EFL1: variants seen among roughly 807,000 people sequenced by gnomAD.
EFL1 encodes elongation factor like GTPase 1, also known as elongation factor-like GTPase 1.
Under a neutral mutation model 126.7 loss-of-function variants are expected in EFL1, and 76 were observed. The observed-to-expected ratio is 0.60, with a 90% CI of 0.50 to 0.73. The LOEUF is 0.73. EFL1 is among the 30% of genes least tolerant of loss of function. The pLI is 0.00. For missense variants in EFL1, 1,128 were observed against 1,343.2 expected (o/e 0.84, Z 2.50); for synonymous variants, 410 against 448.4 (o/e 0.91, Z 1.08).
At chr15:82,192,166 G>A (rs1459200728) in intron 15 of EFL1, among the ~76,000 whole-genome samples, 3 of 152,052 alleles carry the variant, frequency 2.0e-5, no homozygotes, top group South Asian at 2.1e-4. Context: ...TTTGGAGGCC[G>A]AGGTGGGCAG....
chr15:82,160,271 A>T (rs564050900), intron 16 of EFL1, among the ~76,000 whole-genome samples: 86 of 152,358 alleles, frequency 5.6e-4, no homozygotes, highest in African/African-American at 2.0e-3. Context: ...TTGTGAGCCC[A>T]TGTTTGGAAG....
chr15:82,186,240 G>A (rs1261982307), intron 15 of EFL1, among the ~76,000 whole-genome samples: 1 of 152,066 alleles, frequency 6.6e-6, no homozygotes. Flanking sequence ...ACTTTTGTCA[G>A]TGTTTAAATC....
Position 82,238,364 on chromosome 15 carries a change from A to C in EFL1, c.674T>G (p.Phe225Cys). 3 of 1,614,168 alleles carry C rather than the reference A, an allele frequency of 1.9e-6. No individual in the cohort carries two copies. Among genetic ancestry groups the C allele is most frequent in the African/African-American group, 1.3e-5 (1 of 75,034 alleles). ...CACCACATTTCCCTGTTCTGGAGAG[A>C]AGTAAAGGTGAGAATCATCTGTGTC... ...LEDTDDSHLY[F>C]SPEQGNVVFT... The change falls in exon 7 of 20, where the codon TTC becomes TGC. Residue 225 changes from phenylalanine (F) to cysteine (C), a missense_variant. Around this residue, in one of 6 missense-constraint regions of EFL1, gnomAD observed 316 missense variants for 318.5 expected, o/e 0.99. Coordinates refer to ENST00000268206, the MANE Select transcript of EFL1 (RefSeq NM_024580.6).
intron 15 of EFL1, among the ~76,000 whole-genome samples, chr15:82,188,578 A>C (rs561043555): frequency 6.6e-6 from 1 of 152,264 alleles, no homozygotes; most frequent in South Asian, 2.1e-4. Flanking sequence ...ATGTGTTTTA[A>C]GTTAACTTTT....
chr15:82,200,963 G>C (rs1443158081), intron 15 of EFL1, among the ~76,000 whole-genome samples: 1 of 152,154 alleles, frequency 6.6e-6, no homozygotes, highest in Non-Finnish European at 1.5e-5. Flanking sequence ...GCTCACTGTA[G>C]CTCCAACCTC....
intron 4 of EFL1, among the ~76,000 whole-genome samples, chr15:82,250,997 C>A (rs1213031446): frequency 6.6e-6 from 1 of 151,882 alleles, no homozygotes; most frequent in African/African-American, 2.4e-5. Context: ...GGATCACCTG[C>A]GGTCAGGAGT....
At chr15:82,153,191 C>T (rs2073932036) in intron 17 of EFL1, among the ~76,000 whole-genome samples, 1 of 152,046 alleles carries the variant, frequency 6.6e-6, no homozygotes, top group Non-Finnish European at 1.5e-5. Context: ...GTCTTGAGCC[C>T]CAGTCTGCCA....
chr15:82,130,460 G>A lies in EFL1; in HGVS notation c.3276C>T (p.Asn1092=), dbSNP rs752615261. 27 of 1,613,948 alleles carry A rather than the reference G, an allele frequency of 1.7e-5. No individual in the cohort carries two copies. Among genetic ancestry groups the A allele is most frequent in the African/African-American group, 4.0e-5 (3 of 74,866 alleles). The change falls in exon 20 of 20, where the codon AAC becomes AAT. Residue 1092 remains asparagine (N), a synonymous_variant. Coordinates refer to ENST00000268206, the MANE Select transcript of EFL1 (RefSeq NM_024580.6). The part of the protein sequence containing the change: ...DSENQARKYM[N]AVRKRKGLYV... ...AAAGCCCCTTCCGCTTTCGTACTGC[G>A]TTCATGTACTTCCGGGCTTGGTTCT...
At chr15:82,254,268 C>G (rs2075048241) in intron 3 of EFL1, among the ~76,000 whole-genome samples, 2 of 152,118 alleles carry the variant, frequency 1.3e-5, no homozygotes, top group South Asian at 4.1e-4. Flanking sequence ...CTTAATTTAC[C>G]TCCATCTCTC....
intron 17 of EFL1, 26 bp from the exon 18 acceptor site, chr15:82,152,449 CA>C: frequency 6.4e-7 from 1 of 1,559,972 alleles, no homozygotes; most frequent in Middle Eastern, 1.7e-4. Context: ...AGAGAAATAA[CA>C]GAAGGTTAAA....
chr15:82,188,698 TA>T (rs2074327066), intron 15 of EFL1, among the ~76,000 whole-genome samples: 1 of 152,176 alleles, frequency 6.6e-6, no homozygotes, highest in Non-Finnish European at 1.5e-5. Context: ...CAATTATTTT[TA>T]AAAAGACCTA....
chr15:82,215,392 T>A (rs2074634903), intron 14 of EFL1, among the ~76,000 whole-genome samples: 1 of 152,158 alleles, frequency 6.6e-6, no homozygotes. Context: ...TGCTATATTG[T>A]TCATATGGAA....
intron 7 of EFL1, among the ~76,000 whole-genome samples, chr15:82,234,764 T>C (rs1362250267): frequency 6.6e-6 from 1 of 152,174 alleles, no homozygotes; most frequent in East Asian, 1.9e-4. Context: ...CTCTGTTTTC[T>C]CCTAGTGCAT....
At chr15:82,171,492 T>C (rs975079538) in intron 15 of EFL1, among the ~76,000 whole-genome samples, 1 of 152,174 alleles carries the variant, frequency 6.6e-6, no homozygotes, top group African/African-American at 2.4e-5. Context: ...TTGAAACAAT[T>C]AGCCAATGAA....
rs1370552999 is a variant in EFL1, at chr15:82,170,160, G to A, written c.1751-6176C>T. Among the ~76,000 whole-genome samples the A allele has an allele frequency of 2.9e-5, 4 of 138,716 alleles. No homozygotes were observed. The Admixed American group carries it at 3.1e-4, about 11-fold the overall frequency. The allele number at this position is 138,716 out of a possible 152,430, so 91.0% of individuals were successfully genotyped here. The stretch of plus-strand genomic sequence containing the variant: ...GACGGAGTCTCGCTCTGTCGCCCAG[G>A]CTGGAGTGCAGTGGCGGGATCTCGG... On this transcript the variant is annotated intron_variant, in intron 15 of 19. Coordinates refer to ENST00000268206, the MANE Select transcript of EFL1 (RefSeq NM_024580.6).
Position 82,138,549 on chromosome 15 carries a change from T to C in EFL1, c.3174+109A>G, listed in dbSNP as rs183657692. ...CTGTCCATTTGACTGAGTTGAGCCA[T>C]AGGAAGGCCAAATGGCATGATCTGT... On this transcript the variant is annotated intron_variant, in intron 19 of 19. Coordinates refer to ENST00000268206, the MANE Select transcript of EFL1 (RefSeq NM_024580.6). 6.9e-5 allele frequency: 92 copies of C among 1,329,194 alleles called. No homozygotes were observed. In the African/African-American group the frequency reaches 1.1e-3, roughly 17 times the overall value. 82.3% of individuals were successfully genotyped at this position (1,329,194 alleles called of 1,614,324 possible).
In EFL1 at chr15:82,147,497, C is replaced by T. The variant is rs1398779628; in HGVS notation, c.2989+3968G>A. ...ATAACAACAACAAAAAAAAAATTAG[C>T]TGGGCGTGGTGGTGCACGTGTGTAA... On this transcript the variant is annotated intron_variant, in intron 18 of 19. Coordinates refer to ENST00000268206, the MANE Select transcript of EFL1 (RefSeq NM_024580.6). Among the ~76,000 whole-genome samples, 4 of 148,376 alleles carry T rather than the reference C, an allele frequency of 2.7e-5. No homozygotes were observed. In the Admixed American group the frequency reaches 2.8e-4, roughly 10 times the overall value.
At chr15:82,221,233 T>C (rs1422393339) in intron 12 of EFL1, among the ~76,000 whole-genome samples, 2 of 152,120 alleles carry the variant, frequency 1.3e-5, no homozygotes, top group African/African-American at 4.8e-5. Flanking sequence ...GATATTATGA[T>C]TCCTGCTTTA....
At position 82,151,713 on chromosome 15, in the gene EFL1, C is replaced by T; in HGVS notation, c.2741G>A (p.Gly914Glu). 1.2e-6 allele frequency: 2 copies of T among 1,614,172 alleles called. No homozygotes were observed. The highest frequency in any genetic ancestry group is 1.7e-6 in the Non-Finnish European group (2 of 1,180,034). ...AGAACAGGTTTCATTTTCCTCCTGT[C>T]CCTCTTTTGCCAGATCACTTGCTCC... is the stretch of plus-strand genomic sequence containing the variant. ...EQGASDLAKE[G>E]QEENETCSGG... The change falls in exon 18 of 20, where the codon GGA becomes GAA. Residue 914 changes from glycine to glutamate, a missense_variant. Coordinates refer to ENST00000268206, the MANE Select transcript of EFL1 (RefSeq NM_024580.6).
Sources: gnomAD v4.1 joint callset for allele counts (sites outside exome capture counted in the v4.1 genomes callset) on GRCh38, gnomAD v4.1.1 for gene constraint, gnomAD v4.1.1 regional missense constraint, MANE v1.5 for transcripts, NCBI Gene and HGNC (gene_info 2026-07-23, HGNC 2026-07-21) for gene names.